AFF1: variants seen among roughly 807,000 people sequenced by gnomAD.
AFF1 encodes the protein ALF transcription elongation factor 1.
AFF1 carries 48 observed loss-of-function variants against 121.7 expected under a neutral mutation model. The observed-to-expected ratio is 0.39, with a 90% confidence interval of 0.31 to 0.50. The LOEUF is 0.50. AFF1 is among the 20% of genes least tolerant of loss of function. The pLI is 0.76. For synonymous variants in AFF1, 613 were observed against 563.0 expected (o/e 1.09, Z -1.26); for missense variants, 1,523 against 1,511.7 (o/e 1.01, Z -0.12).
At chr4:86,957,863 G>A (rs1721855232) in intron 2 of AFF1, among the ~76,000 whole-genome samples, 1 of 151,866 alleles carries the variant, frequency 6.6e-6, no homozygotes, top group Non-Finnish European at 1.5e-5. Flanking sequence ...CGCCTAGCCT[G>A]ATTTTGCCAT....
At chr4:86,995,433 T>G (rs1446405574) in intron 2 of AFF1, among the ~76,000 whole-genome samples, 4 of 151,146 alleles carry the variant, frequency 2.6e-5, no homozygotes, top group African/African-American at 7.3e-5. Context: ...TGCCTCAGCC[T>G]GCCGAGTGCC....
At chr4:86,949,180 AT>A (rs34958148) in intron 2 of AFF1, among the ~76,000 whole-genome samples, 51,500 of 137,290 alleles carry the variant, frequency 0.38, 9,337 homozygotes, top group South Asian at 0.46. Context: ...ATATATATAT[AT>A]TTTTTTTTTT....
At chr4:86,949,674 G>T in intron 2 of AFF1, 6 of 1,563,422 alleles carry the variant, frequency 3.8e-6, no homozygotes, top group Non-Finnish European at 5.2e-6. Flanking sequence ...GCTCAGAGCA[G>T]GAAGGGGATG....
chr4:87,022,929 T>C (rs768051626), intron 2 of AFF1, among the ~76,000 whole-genome samples: 16 of 152,026 alleles, frequency 1.1e-4, no homozygotes, highest in Non-Finnish European at 1.8e-4. Context: ...TTAATATAGA[T>C]GGAGTCTCTG....
chr4:86,992,124 A>G (rs1194453554), intron 2 of AFF1, among the ~76,000 whole-genome samples: 2 of 152,182 alleles, frequency 1.3e-5, no homozygotes, highest in African/African-American at 4.8e-5. Context: ...AGAGTGTAAC[A>G]ATAGCTTATC....
At chr4:87,130,648 A>T (rs901394909) in intron 16 of AFF1, among the ~76,000 whole-genome samples, 12 of 152,230 alleles carry the variant, frequency 7.9e-5, no homozygotes, top group African/African-American at 2.7e-4. Context: ...ATTATGTCTA[A>T]CATGCTCATA....
intron 4 of AFF1, among the ~76,000 whole-genome samples, chr4:87,061,197 G>GC (rs1578169254): frequency 6.6e-6 from 1 of 152,292 alleles, no homozygotes; most frequent in East Asian, 1.9e-4. Flanking sequence ...GATCTGTCAG[G>GC]CTGAGTATGC....
At chr4:86,952,535 G>A (rs1365909233) in intron 2 of AFF1, among the ~76,000 whole-genome samples, 2 of 152,204 alleles carry the variant, frequency 1.3e-5, no homozygotes, top group East Asian at 3.9e-4. Context: ...GATAGGTACA[G>A]CAAGCCACCA....
chr4:86,972,026 T>C (rs1335801970), intron 2 of AFF1, among the ~76,000 whole-genome samples: 1 of 148,070 alleles, frequency 6.8e-6, no homozygotes, highest in Non-Finnish European at 1.5e-5. Flanking sequence ...TAGACTCAGC[T>C]ACATGGGAGG....
At chr4:87,006,641 T>G (rs1024317366) in intron 2 of AFF1, among the ~76,000 whole-genome samples, 1 of 152,250 alleles carries the variant, frequency 6.6e-6, no homozygotes, top group African/African-American at 2.4e-5. Context: ...GCGGTCTTGT[T>G]CCTGCTCACT....
rs780348229 is a variant in AFF1, at chr4:87,040,871, CTTTTTTTTT to C, written c.39-5281_39-5273del. ...TACAGGCGTGAGCCACCATGCCCTG[CTTTTTTTTT>C]TTTTTTTTTTTTTGAGATGGAGTCT... On this transcript the variant is annotated intron_variant, in intron 2 of 20. Transcript: ENST00000395146. Among the ~76,000 whole-genome samples the C allele has an allele frequency of 1.1e-3, 75 of 67,106 alleles. 2 individuals are homozygous for C. The highest frequency in any genetic ancestry group is 2.4e-3 in the African/African-American group (29 of 12,096). 44.0% of individuals were successfully genotyped at this position (67,106 alleles called of 152,430 possible).
chr4:86,996,029 C>T (rs1391972727), intron 2 of AFF1, among the ~76,000 whole-genome samples: 8 of 130,816 alleles, frequency 6.1e-5, no homozygotes, highest in African/African-American at 1.0e-4. Context: ...GGAGCCCCTC[C>T]GCCCAGCAGC....
intron 4 of AFF1, among the ~76,000 whole-genome samples, chr4:87,055,387 T>C (rs1281826652): frequency 5.3e-5 from 8 of 152,234 alleles, no homozygotes; most frequent in Non-Finnish European, 1.2e-4. Flanking sequence ...GGAGTTGTTT[T>C]TACTTTGTGC....
chr4:86,967,965 A>G (rs1475082720), intron 2 of AFF1, among the ~76,000 whole-genome samples: 1 of 152,228 alleles, frequency 6.6e-6, no homozygotes, highest in Non-Finnish European at 1.5e-5. Context: ...GTGCTCAGGA[A>G]CTTGAACTAC....
chr4:86,974,490 G>GT (rs1380264994), intron 2 of AFF1, among the ~76,000 whole-genome samples: 1 of 151,648 alleles, frequency 6.6e-6, no homozygotes, highest in Admixed American at 6.6e-5. Flanking sequence ...AAACTTTTTA[G>GT]TTTGTTTAAA....
chr4:87,135,491 T>G, intron 20 of AFF1, 89 bp from the exon 21 acceptor site: 1 of 1,368,434 alleles, frequency 7.3e-7, no homozygotes, highest in South Asian at 1.6e-5. Context: ...GGGACCTACC[T>G]TCTGGAACCT....
intron 2 of AFF1, among the ~76,000 whole-genome samples, chr4:86,967,561 A>G (rs373382153): frequency 5.8e-4 from 89 of 152,320 alleles, no homozygotes; most frequent in African/African-American, 2.0e-3. Context: ...GGGCAGGAGC[A>G]GAAGCAAAGC....
intron 2 of AFF1, among the ~76,000 whole-genome samples, chr4:86,958,910 T>G (rs949043817): frequency 2.0e-5 from 3 of 152,204 alleles, no homozygotes; most frequent in African/African-American, 7.2e-5. Context: ...TTCTTGGATT[T>G]GTTTGTTTCC....
chr4:87,065,913 A>G (rs1239871948), intron 4 of AFF1, among the ~76,000 whole-genome samples: 1 of 152,164 alleles, frequency 6.6e-6, no homozygotes, highest in Non-Finnish European at 1.5e-5. Flanking sequence ...AGTGAGGAAT[A>G]GTTTTTAGAA....
Sources: allele counts gnomAD v4.1 joint callset (sites outside exome capture counted in the v4.1 genomes callset), GRCh38; gene constraint gnomAD v4.1.1; transcripts MANE v1.5; gene names NCBI Gene and HGNC (gene_info 2026-07-23, HGNC 2026-07-21).